The following AQP9 variants were observed in gnomAD, a reference collection of about 807,000 sequenced individuals.
AQP9 encodes aquaporin-9.
In AQP9, 19 loss-of-function variants were observed where a neutral mutation model predicts 23.8. The observed-to-expected ratio is 0.80, with a 90% CI of 0.56 to 1.17. The LOEUF is 1.17. Ranked by LOEUF, AQP9 falls within the 50% of genes most tolerant of loss-of-function variation. The pLI is 0.00. For missense variants in AQP9, 413 were observed against 362.0 expected (o/e 1.14, Z -1.14); for synonymous variants, 153 against 131.5 (o/e 1.16, Z -1.12).
At chr15:58,144,937 C>T (rs1196046617) in intron 1 of AQP9, among the ~76,000 whole-genome samples, 3 of 149,238 alleles carry the variant, frequency 2.0e-5, no homozygotes, top group African/African-American at 7.4e-5. Context: ...TCGCTTCAAC[C>T]CGGAAGGTGG....
chr15:58,184,997 G>C lies in AQP9; in HGVS notation c.*862G>C, dbSNP rs1898990387. The C allele has an allele frequency of 6.6e-6, 1 of 152,268 alleles. No individual in the cohort carries two copies. The highest frequency in any genetic ancestry group is 6.5e-5 in the Admixed American group (1 of 15,298). The allele number at this position is 152,268 out of a possible 1,614,324, so 9.4% of individuals were successfully genotyped here. A position where few individuals can be genotyped will look rare whatever the true frequency, so the allele number is the denominator to read the frequency against. On this transcript the variant is annotated 3_prime_UTR_variant, in exon 6 of 6. Coordinates refer to ENST00000219919, the MANE Select transcript of AQP9 (RefSeq NM_020980.5). ...ACAAGTTATATCAACGACTGTGCTTGTCCATTATTTTACACATGCCCTAGA... is the reference window on the plus strand; with the variant it reads ...ACAAGTTATATCAACGACTGTGCTTCTCCATTATTTTACACATGCCCTAGA...
intron 1 of AQP9, chr15:58,154,250 A>T (rs1200208073): frequency 6.6e-6 from 1 of 152,190 alleles, no homozygotes; most frequent in Non-Finnish European, 1.5e-5. Flanking sequence ...TACTAGACAT[A>T]ATTTGATTAG....
intron 1 of AQP9, chr15:58,154,190 C>G (rs2140598504): frequency 6.6e-6 from 1 of 152,268 alleles, no homozygotes; most frequent in Admixed American, 6.5e-5. Flanking sequence ...ATCCACTGTA[C>G]AGCTCCCCCA....
chr15:58,165,371 A>T (rs1048736420), intron 1 of AQP9, among the ~76,000 whole-genome samples: 12 of 152,130 alleles, frequency 7.9e-5, no homozygotes, highest in African/African-American at 1.2e-4. Context: ...CCATTTTTTT[A>T]AAAAAATTAG....
At chr15:58,171,208 C>T (rs1165860555) in intron 2 of AQP9, among the ~76,000 whole-genome samples, 1 of 152,122 alleles carries the variant, frequency 6.6e-6, no homozygotes, top group African/African-American at 2.4e-5. Flanking sequence ...CTGCCTCAGC[C>T]TCCCGAGTAG....
chr15:58,178,866 A>G (rs1002177770), intron 4 of AQP9, among the ~76,000 whole-genome samples: 1 of 152,192 alleles, frequency 6.6e-6, no homozygotes, highest in South Asian at 2.1e-4. Context: ...TCTGGATCCA[A>G]ACCTGACTGC....
At chr15:58,165,722 T>C (rs1329081456) in intron 1 of AQP9, among the ~76,000 whole-genome samples, 1 of 152,188 alleles carries the variant, frequency 6.6e-6, no homozygotes, top group African/African-American at 2.4e-5. Flanking sequence ...TGTACCATCA[T>C]ATATTTATTG....
chr15:58,154,802 C>T lies in AQP9; in HGVS notation c.112-11871C>T, dbSNP rs1289533480. Among the ~76,000 whole-genome samples the T allele has an allele frequency of 2.0e-5, 3 of 152,058 alleles. No homozygotes were observed. In the East Asian group the frequency reaches 5.8e-4, roughly 29 times the overall value. On this transcript the variant is annotated intron_variant, in intron 1 of 5. Coordinates refer to ENST00000219919, the MANE Select transcript of AQP9 (RefSeq NM_020980.5). ...GCACCACTAATAATTAACCCTATCCCCTCCCCATAAATAGGAGACAGTTTC... is the reference window on the plus strand; with the variant it reads ...GCACCACTAATAATTAACCCTATCCTCTCCCCATAAATAGGAGACAGTTTC...
chr15:58,145,850 G>T (rs1415309769), intron 1 of AQP9, among the ~76,000 whole-genome samples: 1 of 152,094 alleles, frequency 6.6e-6, no homozygotes, highest in Non-Finnish European at 1.5e-5. Context: ...CTCAGTCTTT[G>T]TCTGAATGTG....
At chr15:58,176,666 A>C (rs534134719) in intron 4 of AQP9, among the ~76,000 whole-genome samples, 1 of 146,984 alleles carries the variant, frequency 6.8e-6, no homozygotes, top group South Asian at 2.2e-4. Context: ...GCTGGAGTGC[A>C]GTGGCGTGAT....
At chr15:58,170,002 A>T (rs1034623973) in intron 2 of AQP9, among the ~76,000 whole-genome samples, 1 of 152,156 alleles carries the variant, frequency 6.6e-6, no homozygotes, top group Non-Finnish European at 1.5e-5. Context: ...TAAGACTTTC[A>T]TCTTGTGCCC....
Position 58,176,894 on chromosome 15 carries a change from C to A in AQP9, c.495+1858C>A, listed in dbSNP as rs1898770978. 2.0e-5 allele frequency among the ~76,000 whole-genome samples: 3 copies of A among 152,132 alleles called. No individual in the cohort carries two copies. In the South Asian group the frequency reaches 6.2e-4, roughly 31 times the overall value. On this transcript the variant is annotated intron_variant, in intron 4 of 5. Transcript: ENST00000219919. ...AAAGCTGTATCTTGATCAATGCTGA[C>A]CTGCATACCATATCCTGAGCTTCCT...
intron 1 of AQP9, among the ~76,000 whole-genome samples, chr15:58,142,180 G>A (rs1411215252): frequency 1.3e-5 from 2 of 152,144 alleles, no homozygotes; most frequent in African/African-American, 2.4e-5. Context: ...CAGAGTGTTC[G>A]CTTGTCCAAA....
At chr15:58,164,009 G>A (rs2140613927) in intron 1 of AQP9, 1 of 152,690 alleles carries the variant, frequency 6.5e-6, no homozygotes, top group Admixed American at 6.5e-5. Flanking sequence ...AAGATGTAAT[G>A]CTGGAAATCT....
At chr15:58,179,866 T>C (rs1001624915) in intron 5 of AQP9, among the ~76,000 whole-genome samples, 1 of 152,158 alleles carries the variant, frequency 6.6e-6, no homozygotes, top group Non-Finnish European at 1.5e-5. Flanking sequence ...ATATAATAAG[T>C]GCTCTGGCAA....
At chr15:58,157,366 C>T (rs552486252) in intron 1 of AQP9, among the ~76,000 whole-genome samples, 2 of 152,152 alleles carry the variant, frequency 1.3e-5, no homozygotes, top group Non-Finnish European at 2.9e-5. Flanking sequence ...GAATACATAC[C>T]ATCTGGGTGA....
intron 1 of AQP9, chr15:58,150,849 G>A (rs1898135342): frequency 6.6e-6 from 1 of 152,124 alleles, no homozygotes; most frequent in Admixed American, 6.5e-5. Flanking sequence ...CCCCTGCCAT[G>A]AGCCCTTCAA....
chr15:58,182,554 A>G (rs191411317), intron 5 of AQP9, among the ~76,000 whole-genome samples: 89 of 152,320 alleles, frequency 5.8e-4, no homozygotes, highest in Non-Finnish European at 9.3e-4. Flanking sequence ...CCCAACAGGT[A>G]GCTTATACTC....
At chr15:58,151,895 C>T (rs1898157944) in intron 1 of AQP9, 2 of 152,052 alleles carry the variant, frequency 1.3e-5, no homozygotes, top group African/African-American at 2.4e-5. Flanking sequence ...CCTCAACCCC[C>T]TAACAGAATA....
Sources: allele counts gnomAD v4.1 joint callset (sites outside exome capture counted in the v4.1 genomes callset), GRCh38; gene constraint gnomAD v4.1.1; transcripts MANE v1.5; gene names NCBI Gene and HGNC (gene_info 2026-07-23, HGNC 2026-07-21).